Variants in PPFIA2 observed in about 807,000 individuals in gnomAD.
PPFIA2 encodes liprin-alpha-2.
Under a neutral mutation model 175.5 loss-of-function variants are expected in PPFIA2, and 46 were observed. That is an observed-to-expected ratio of 0.26 (90% CI 0.21 to 0.34). PPFIA2 has a LOEUF of 0.34. Among genes scored for constraint, PPFIA2 ranks in the 10% least tolerant of loss-of-function variants. PPFIA2 has a pLI of 1.00. For synonymous variants in PPFIA2, 568 were observed against 511.4 expected (o/e 1.11, Z -1.49); for missense variants, 1,179 against 1,506.1 (o/e 0.78, Z 3.60).
At chr12:81,404,446 G>C (rs1381899982) in intron 8 of PPFIA2, among the ~76,000 whole-genome samples, 1 of 152,110 alleles carries the variant, frequency 6.6e-6, no homozygotes. Context: ...TTACATGTTG[G>C]TTTCCTAAAC....
chr12:81,636,841 T>G (rs2064131750), intron 4 of PPFIA2, among the ~76,000 whole-genome samples: 1 of 151,418 alleles, frequency 6.6e-6, no homozygotes, highest in South Asian at 2.1e-4. Context: ...TTAGTAGAGA[T>G]AGGGTTTCAC....
At chr12:81,758,696 A>C in intron 1 of PPFIA2, 189 bp from the exon 2 acceptor site, 1 of 252,110 alleles carries the variant, frequency 4.0e-6, no homozygotes. Flanking sequence ...AGCTCGGTTC[A>C]GACCATTGTC....
intron 3 of PPFIA2, among the ~76,000 whole-genome samples, chr12:81,736,843 A>G (rs2081640096): frequency 6.6e-6 from 1 of 151,912 alleles, no homozygotes. Flanking sequence ...CCTGGACTCA[A>G]GGGATTCTCT....
At position 81,297,558 on chromosome 12, in the gene PPFIA2, A is replaced by G. The variant is rs1416568279; in HGVS notation, c.2724+1743T>C. Among the ~76,000 whole-genome samples, 4 of 152,340 alleles carry G rather than the reference A, an allele frequency of 2.6e-5. No homozygotes were observed. In the East Asian group the frequency reaches 7.7e-4, roughly 29 times the overall value. ...TTAGGCACAAATAATTGACCTTGAC[A>G]GGTACATTATATATGACAGAAGATA... On this transcript the variant is annotated intron_variant, in intron 23 of 32. Transcript: ENST00000549396.
At chr12:81,392,232 T>G (rs2142283374) in intron 8 of PPFIA2, among the ~76,000 whole-genome samples, 1 of 152,020 alleles carries the variant, frequency 6.6e-6, no homozygotes, top group African/African-American at 2.4e-5. Flanking sequence ...CAAGGATGAC[T>G]GCAAGATTTG....
rs751463490 is a variant in PPFIA2, at chr12:81,592,586, C to T, written c.303+84205G>A. Among the ~76,000 whole-genome samples the T allele has an allele frequency of 9.9e-5, 15 of 152,164 alleles. 1 individual carries two copies. In the Middle Eastern group the frequency reaches 0.014, roughly 138 times the overall value. ...AGTGAATGAGTCTCATGAGATCTGACGGTTTTAAAAAGAAGAGCACAAGCT... is the reference window on the plus strand; with the variant it reads ...AGTGAATGAGTCTCATGAGATCTGATGGTTTTAAAAAGAAGAGCACAAGCT... On this transcript the variant is annotated intron_variant, in intron 4 of 32. Coordinates refer to ENST00000549396, the MANE Select transcript of PPFIA2 (RefSeq NM_003625.5).
At chr12:81,481,197 C>T (rs2058174990) in intron 4 of PPFIA2, among the ~76,000 whole-genome samples, 1 of 152,072 alleles carries the variant, frequency 6.6e-6, no homozygotes, top group Non-Finnish European at 1.5e-5. Flanking sequence ...ATGTGTAGGA[C>T]CTCTTCAACT....
intron 11 of PPFIA2, chr12:81,369,417 G>A: frequency 7.3e-7 from 1 of 1,372,074 alleles, no homozygotes; most frequent in East Asian, 3.1e-5. Context: ...AGTTATTTAT[G>A]AGCAATGAAA....
intron 4 of PPFIA2, among the ~76,000 whole-genome samples, chr12:81,624,158 T>C (rs946792125): frequency 1.3e-5 from 2 of 151,788 alleles, no homozygotes; most frequent in African/African-American, 4.8e-5. Context: ...TTAGAGTAGT[T>C]GGCATCTATG....
intron 21 of PPFIA2, among the ~76,000 whole-genome samples, chr12:81,336,079 GTAA>G (rs1350900501): frequency 2.6e-5 from 4 of 152,002 alleles, no homozygotes; most frequent in Non-Finnish European, 5.9e-5. Context: ...TACATTATAG[GTAA>G]TAATAATCTA....
chr12:81,407,937 A>G (rs2043223173), intron 7 of PPFIA2, among the ~76,000 whole-genome samples: 2 of 152,210 alleles, frequency 1.3e-5, no homozygotes, highest in Admixed American at 6.6e-5. Context: ...ATATCTCCTG[A>G]GAAAATAATT....
chr12:81,447,957 A>G (rs1448995448), intron 5 of PPFIA2, among the ~76,000 whole-genome samples: 1 of 152,182 alleles, frequency 6.6e-6, no homozygotes, highest in Non-Finnish European at 1.5e-5. Context: ...TCTATCCTTC[A>G]ATCTGATGAC....
rs557869286 is a variant in PPFIA2 at position 81,502,260 on chromosome 12, T to C, written c.304-44394A>G. On this transcript the variant is annotated intron_variant, in intron 4 of 32. Coordinates refer to ENST00000549396, the MANE Select transcript of PPFIA2 (RefSeq NM_003625.5). ...AATTTACCAGCAGTTGCTGCCTACA[T>C]AAAAACGATATGGAACTGCAAACTT... 3.8e-3 allele frequency among the ~76,000 whole-genome samples: 575 copies of C among 152,214 alleles called. 3 individuals carry two copies. Among genetic ancestry groups the C allele is most frequent in the African/African-American group, 0.013 (538 of 41,538 alleles).
At chr12:81,643,081 T>A (rs888499037) in intron 4 of PPFIA2, among the ~76,000 whole-genome samples, 2 of 148,910 alleles carry the variant, frequency 1.3e-5, no homozygotes, top group African/African-American at 4.9e-5. Context: ...ATATATGTTA[T>A]ATGTGTATAT....
At chr12:81,614,643 T>G (rs150643842) in intron 4 of PPFIA2, among the ~76,000 whole-genome samples, 26 of 152,246 alleles carry the variant, frequency 1.7e-4, no homozygotes, top group African/African-American at 5.5e-4. Flanking sequence ...AATACAGTAT[T>G]TTCTCCTAAA....
chr12:81,369,119 G>T lies in PPFIA2; in HGVS notation c.1342C>A (p.Leu448Ile). 1 of 1,600,846 alleles carries T rather than the reference G, an allele frequency of 6.2e-7. No individual in the cohort carries two copies. Among genetic ancestry groups the T allele is most frequent in the Non-Finnish European group, 8.5e-7 (1 of 1,170,110 alleles). Residue 448 changes from leucine (L) to isoleucine (I), a missense_variant, in exon 12 of 33, where the codon CTT becomes ATT. This residue lies in a region of PPFIA2 where 66 missense variants were observed against 129.4 expected (regional missense o/e 0.51). Transcript: ENST00000549396. ...GTTCTTAATATACATACTCTTTGAAGTTCTTGATTCTTCTCTTCAAGTTGA... is the reference window on the plus strand; with the variant it reads ...GTTCTTAATATACATACTCTTTGAATTTCTTGATTCTTCTCTTCAAGTTGA... ...EGQLEEKNQE[L>I]QRARQREKMN...
chr12:81,462,568 G>A (rs892056990), intron 4 of PPFIA2, among the ~76,000 whole-genome samples: 3 of 77,450 alleles, frequency 3.9e-5, no homozygotes, highest in Admixed American at 2.2e-4. Flanking sequence ...GTATATATAT[G>A]TGTATATATA....
chr12:81,428,377 G>T (rs1335918487), intron 7 of PPFIA2, among the ~76,000 whole-genome samples: 1 of 151,926 alleles, frequency 6.6e-6, no homozygotes, highest in Non-Finnish European at 1.5e-5. Context: ...ACAAGACTTG[G>T]AACTAGTAAA....
At chr12:81,479,522 A>G (rs1318534815) in intron 4 of PPFIA2, among the ~76,000 whole-genome samples, 1 of 152,098 alleles carries the variant, frequency 6.6e-6, no homozygotes, top group Non-Finnish European at 1.5e-5. Context: ...CATAGAGTCG[A>G]TGGTCTTTAC....
Sources: gnomAD v4.1 joint callset for allele counts (sites outside exome capture counted in the v4.1 genomes callset) on GRCh38, gnomAD v4.1.1 for gene constraint, gnomAD v4.1.1 regional missense constraint, MANE v1.5 for transcripts, NCBI Gene and HGNC (gene_info 2026-07-23, HGNC 2026-07-21) for gene names.